Variants in LRRC69 observed in about 807,000 individuals in gnomAD.
LRRC69 encodes the protein leucine-rich repeat-containing protein 69.
A neutral mutation model predicts 37.8 loss-of-function variants in LRRC69; 42 were observed. The ratio of observed to expected loss-of-function variants is 1.11; its 90% CI spans 0.87 to 1.44. The LOEUF is 1.44. Ranked by LOEUF, LRRC69 falls within the 40% of genes most tolerant of loss-of-function variation. LRRC69 has a pLI of 0.00. For missense variants in LRRC69, 357 were observed against 401.9 expected (o/e 0.89, Z 0.96); for synonymous variants, 141 against 143.1 (o/e 0.99, Z 0.11).
intron 1 of LRRC69, among the ~76,000 whole-genome samples, chr8:91,113,754 A>T (rs1480544739): frequency 6.6e-6 from 1 of 151,822 alleles, no homozygotes; most frequent in East Asian, 1.9e-4. Flanking sequence ...GGAAACAATC[A>T]TCAGAATAAA....
At chr8:91,164,321 G>A (rs1217113595) in intron 5 of LRRC69, among the ~76,000 whole-genome samples, 3 of 151,618 alleles carry the variant, frequency 2.0e-5, no homozygotes, top group African/African-American at 7.3e-5. Flanking sequence ...CTACCCAAAG[G>A]TGTCAGGAAA....
intron 1 of LRRC69, among the ~76,000 whole-genome samples, chr8:91,124,110 G>A (rs1813676288): frequency 6.6e-6 from 1 of 151,910 alleles, no homozygotes; most frequent in African/African-American, 2.4e-5. Context: ...TCTGTTTTCA[G>A]TAACTTAGCT....
intron 7 of LRRC69, chr8:91,206,787 A>C: frequency 7.8e-7 from 1 of 1,289,722 alleles, no homozygotes; most frequent in East Asian, 5.5e-5. Flanking sequence ...GGAATACCTC[A>C]ATTAATGTCC....
chr8:91,161,826 A>G (rs1808950610), intron 5 of LRRC69, among the ~76,000 whole-genome samples: 1 of 151,106 alleles, frequency 6.6e-6, no homozygotes. Context: ...TTGCTTTTCT[A>G]GATCCTTGAG....
intron 7 of LRRC69, among the ~76,000 whole-genome samples, chr8:91,213,720 A>C (rs1809980196): frequency 6.6e-6 from 1 of 152,200 alleles, no homozygotes; most frequent in Non-Finnish European, 1.5e-5. Flanking sequence ...AAGTGCCTAG[A>C]AACACAGGAC....
intron 5 of LRRC69, among the ~76,000 whole-genome samples, chr8:91,186,035 C>T (rs556253218): frequency 1.3e-5 from 2 of 152,290 alleles, no homozygotes; most frequent in Non-Finnish European, 2.9e-5. Context: ...GTATATTCTT[C>T]CTGAGTCCTG....
chr8:91,166,492 GAAAAAAAAAAAA>G (rs66705016), intron 5 of LRRC69, among the ~76,000 whole-genome samples: 1 of 95,298 alleles, frequency 1.0e-5, no homozygotes, highest in African/African-American at 5.1e-5. Flanking sequence ...AAAATAAACT[GAAAAAAAAAAAA>G]AAAAAAAAAA....
intron 7 of LRRC69, among the ~76,000 whole-genome samples, chr8:91,206,070 T>C (rs1267558636): frequency 6.6e-6 from 1 of 152,238 alleles, no homozygotes; most frequent in Non-Finnish European, 1.5e-5. Flanking sequence ...TTAAGAACCA[T>C]TTTGGTTTTG....
At chr8:91,172,798 C>T (rs1809156140) in intron 5 of LRRC69, among the ~76,000 whole-genome samples, 1 of 152,052 alleles carries the variant, frequency 6.6e-6, no homozygotes, top group Admixed American at 6.6e-5. Context: ...CAGGCATGAG[C>T]CACTGTTCCT....
chr8:91,216,525 C>T (rs1370438546), intron 7 of LRRC69, among the ~76,000 whole-genome samples: 2 of 152,078 alleles, frequency 1.3e-5, no homozygotes, highest in Non-Finnish European at 2.9e-5. Context: ...TAAAGAGGAG[C>T]TGAGGAAAAT....
At chr8:91,147,658 T>A (rs891085026) in intron 5 of LRRC69, among the ~76,000 whole-genome samples, 1 of 151,964 alleles carries the variant, frequency 6.6e-6, no homozygotes, top group South Asian at 2.1e-4. Flanking sequence ...AATGACACAT[T>A]TTAAAAAATC....
intron 7 of LRRC69, among the ~76,000 whole-genome samples, chr8:91,204,856 T>C (rs1187012726): frequency 6.6e-6 from 1 of 152,252 alleles, no homozygotes; most frequent in Non-Finnish European, 1.5e-5. Context: ...TTGTTCATCA[T>C]GAGGTTCAAC....
intron 7 of LRRC69, among the ~76,000 whole-genome samples, chr8:91,208,592 G>C (rs1461481104): frequency 6.6e-6 from 1 of 152,150 alleles, no homozygotes; most frequent in Admixed American, 6.5e-5. Context: ...CATTCTACTG[G>C]AAAGTTTACC....
intron 6 of LRRC69, among the ~76,000 whole-genome samples, chr8:91,195,886 G>T (rs1053287763): frequency 2.6e-5 from 4 of 152,130 alleles, no homozygotes; most frequent in Middle Eastern, 3.4e-3. Context: ...ATCCTGTCAT[G>T]ATGATGTTAG....
chr8:91,141,379 CTG>C (rs1416558488), intron 5 of LRRC69, among the ~76,000 whole-genome samples: 1 of 152,094 alleles, frequency 6.6e-6, no homozygotes, highest in Admixed American at 6.6e-5. Context: ...TGCAAAGACT[CTG>C]TTTCCAAATA....
chr8:91,185,008 A>G (rs187464686), intron 5 of LRRC69, among the ~76,000 whole-genome samples: 2 of 152,254 alleles, frequency 1.3e-5, no homozygotes, highest in East Asian at 3.9e-4. Flanking sequence ...GTGAAGTGGT[A>G]TGATTTGCAT....
At chr8:91,102,732 A>C (rs1207728897) in exon 1 of LRRC69, 7 of 1,551,880 alleles carry the variant, frequency 4.5e-6, no homozygotes, top group Non-Finnish European at 6.1e-6. Context: ...TTGAATGGGA[A>C]GAAGATGACA....
At chr8:91,115,949 T>TC (rs1813503631) in intron 1 of LRRC69, among the ~76,000 whole-genome samples, 5 of 152,046 alleles carry the variant, frequency 3.3e-5, no homozygotes, top group African/African-American at 1.2e-4. Context: ...AAGCCTAACA[T>TC]ACATGTCTCT....
chr8:91,154,007 G>C (rs115294436), intron 5 of LRRC69, among the ~76,000 whole-genome samples: 1,914 of 151,762 alleles, frequency 0.013, 47 homozygotes, highest in African/African-American at 0.044. Context: ...GAATCAAATA[G>C]GCTCAATGAA....
Sources: gnomAD v4.1 joint callset for allele counts (sites outside exome capture counted in the v4.1 genomes callset) on GRCh38, gnomAD v4.1.1 for gene constraint, MANE v1.5 for transcripts, NCBI Gene and HGNC (gene_info 2026-07-23, HGNC 2026-07-21) for gene names.